The following RALGPS2 variants were observed in gnomAD, a reference collection of about 807,000 sequenced individuals.
RALGPS2 encodes the protein Ral GEF with PH domain and SH3 binding motif 2.
RALGPS2 carries 43 observed loss-of-function variants against 86.8 expected under a neutral mutation model. That is an observed-to-expected ratio of 0.50 (90% CI 0.39 to 0.64). The LOEUF (loss-of-function observed/expected upper bound fraction) is 0.64. Ranked by LOEUF, RALGPS2 falls within the 30% of genes least tolerant of loss-of-function variation. The probability of loss-of-function intolerance (pLI) is 0.00; values close to 1 mark genes in which losing one functional copy is unlikely to be tolerated. For synonymous variants in RALGPS2, 243 were observed against 231.3 expected (o/e 1.05, Z -0.46); for missense variants, 536 against 694.6 (o/e 0.77, Z 2.57).
At chr1:178,843,504 G>A (rs1656705014) in intron 8 of RALGPS2, among the ~76,000 whole-genome samples, 1 of 123,214 alleles carries the variant, frequency 8.1e-6, no homozygotes, top group Non-Finnish European at 1.7e-5. Flanking sequence ...GGACTGTGGT[G>A]GGGTGGGGGG....
At chr1:178,865,716 A>T (rs761000586) in intron 8 of RALGPS2, 2 of 1,613,644 alleles carry the variant, frequency 1.2e-6, no homozygotes, top group East Asian at 4.5e-5. Flanking sequence ...CCACCTCTGC[A>T]ATGTCCAGTG....
intron 1 of RALGPS2, among the ~76,000 whole-genome samples, chr1:178,740,271 A>G (rs1650944126): frequency 6.6e-6 from 1 of 152,224 alleles, no homozygotes; most frequent in African/African-American, 2.4e-5. Context: ...GCTTGCCCAC[A>G]GTTCCTTTGG....
At chr1:178,900,087 A>C (rs1660105158) in intron 17 of RALGPS2, among the ~76,000 whole-genome samples, 1 of 151,954 alleles carries the variant, frequency 6.6e-6, no homozygotes, top group African/African-American at 2.4e-5. Flanking sequence ...AGAAAGATCA[A>C]ACAAACACAA....
rs576839719 is a variant in RALGPS2, at chr1:178,892,165, T to C, written c.1248-65T>C. The C allele has an allele frequency of 4.2e-5, 56 of 1,342,644 alleles. No individual in the cohort carries two copies. In the Admixed American group the frequency reaches 9.3e-4, roughly 22 times the overall value. 83.2% of individuals were successfully genotyped at this position (1,342,644 alleles called of 1,614,324 possible). A position where few individuals can be genotyped will look rare whatever the true frequency, so the allele number is the denominator to read the frequency against. ...GAAGAAACTATTATACTGTTCTAGG[T>C]ATTGATAATGACTGTGTGAATAAAA... On this transcript the variant is annotated intron_variant, in intron 14 of 19. Transcript: ENST00000367635.
chr1:178,734,322 A>T (rs1352900100), intron 1 of RALGPS2, among the ~76,000 whole-genome samples: 2 of 152,234 alleles, frequency 1.3e-5, no homozygotes, highest in Non-Finnish European at 2.9e-5. Context: ...TTAACGTAGC[A>T]TTACCATACG....
At position 178,918,228 on chromosome 1, in the gene RALGPS2, TA is replaced by T. The variant is rs1283679044; in HGVS notation, c.*1871del. 6 of 152,184 alleles carry T rather than the reference TA, an allele frequency of 3.9e-5. No individual in the cohort carries two copies. Among genetic ancestry groups the T allele is most frequent in the African/African-American group, 1.4e-4 (6 of 41,454 alleles). 9.4% of individuals were successfully genotyped at this position (152,184 alleles called of 1,614,324 possible). ...TGCTCTAAGCTTAACCCATGTTGGG[TA>T]ATAGAAAGACATAGCCAGCAGTATT... On this transcript the variant is annotated 3_prime_UTR_variant, in exon 20 of 20. Coordinates refer to ENST00000367635, the MANE Select transcript of RALGPS2 (RefSeq NM_152663.5).
intron 8 of RALGPS2, among the ~76,000 whole-genome samples, chr1:178,856,580 G>A (rs1283779343): frequency 6.6e-6 from 1 of 150,936 alleles, no homozygotes; most frequent in Non-Finnish European, 1.5e-5. Flanking sequence ...TATTTTGAAT[G>A]TTAAACCAAC....
intron 1 of RALGPS2, among the ~76,000 whole-genome samples, chr1:178,762,836 G>A (rs1652320971): frequency 6.6e-6 from 1 of 152,130 alleles, no homozygotes; most frequent in Non-Finnish European, 1.5e-5. Flanking sequence ...CTGTGCAGAA[G>A]CTCCTTAGTT....
intron 1 of RALGPS2, among the ~76,000 whole-genome samples, chr1:178,745,652 C>CTTTG (rs1651274199): frequency 6.6e-6 from 1 of 152,044 alleles, no homozygotes; most frequent in Non-Finnish European, 1.5e-5. Context: ...CCTAAATGGT[C>CTTTG]AAGACTTAAA....
intron 8 of RALGPS2, chr1:178,865,095 G>A: frequency 1.3e-6 from 2 of 1,563,330 alleles, no homozygotes; most frequent in Non-Finnish European, 8.7e-7. Context: ...GGAGTATACT[G>A]TTGGCTGTTA....
intron 18 of RALGPS2, among the ~76,000 whole-genome samples, chr1:178,905,976 C>CT (rs1367848604): frequency 1.3e-5 from 2 of 152,172 alleles, no homozygotes; most frequent in African/African-American, 4.8e-5. Context: ...AAAGCATAGT[C>CT]TATCAATGTT....
chr1:178,870,933 A>G (rs1350949741), intron 8 of RALGPS2: 2 of 152,154 alleles, frequency 1.3e-5, no homozygotes, highest in Non-Finnish European at 2.9e-5. Context: ...TTGACAAGCC[A>G]CCTATGTAAT....
At position 178,804,301 on chromosome 1, in the gene RALGPS2, A is replaced by G. The variant is rs534576710; in HGVS notation, c.214-3744A>G. On this transcript the variant is annotated intron_variant, in intron 4 of 19. Coordinates refer to ENST00000367635, the MANE Select transcript of RALGPS2 (RefSeq NM_152663.5). ...TTGATTTATTTATTATTATACTTTA[A>G]GTTTTAGGGTACATGTGCACATTGT... Among the ~76,000 whole-genome samples, 478 of 135,618 alleles carry G rather than the reference A, an allele frequency of 3.5e-3. 3 individuals carry two copies. The highest frequency in any genetic ancestry group is 7.9e-3 in the Middle Eastern group (2 of 252). 89.0% of individuals were successfully genotyped at this position (135,618 alleles called of 152,430 possible). A position where few individuals can be genotyped will look rare whatever the true frequency, so the allele number is the denominator to read the frequency against.
At chr1:178,741,076 T>C (rs1215993653) in intron 1 of RALGPS2, among the ~76,000 whole-genome samples, 1 of 152,168 alleles carries the variant, frequency 6.6e-6, no homozygotes, top group East Asian at 1.9e-4. Context: ...ACTAAGAGTC[T>C]AACTATAGTT....
chr1:178,819,179 G>C (rs1220846843), intron 6 of RALGPS2, among the ~76,000 whole-genome samples: 1 of 151,764 alleles, frequency 6.6e-6, no homozygotes, highest in Non-Finnish European at 1.5e-5. Flanking sequence ...TTTTTATAGA[G>C]ACAAGGTTTT....
chr1:178,739,026 G>A (rs1232474459), intron 1 of RALGPS2, among the ~76,000 whole-genome samples: 2 of 152,154 alleles, frequency 1.3e-5, no homozygotes, highest in African/African-American at 4.8e-5. Flanking sequence ...CTACACTTTT[G>A]TGTATGTGCT....
chr1:178,825,026 G>A (rs114727682), intron 7 of RALGPS2, among the ~76,000 whole-genome samples: 186 of 152,236 alleles, frequency 1.2e-3, no homozygotes, highest in Middle Eastern at 0.01. Context: ...GGATATAAAA[G>A]TCATCTGGAG....
chr1:178,782,486 G>C (rs1653440966), intron 2 of RALGPS2, among the ~76,000 whole-genome samples: 1 of 152,020 alleles, frequency 6.6e-6, no homozygotes, highest in Non-Finnish European at 1.5e-5. Flanking sequence ...TAACCTACTT[G>C]GGAGAGGAAA....
intron 8 of RALGPS2, among the ~76,000 whole-genome samples, chr1:178,864,620 A>G (rs766080745): frequency 6.6e-6 from 1 of 152,162 alleles, no homozygotes; most frequent in Non-Finnish European, 1.5e-5. Flanking sequence ...CCTAGCTAGA[A>G]GCTGATAGGA....
Sources: gnomAD v4.1 joint callset for allele counts (sites outside exome capture counted in the v4.1 genomes callset) on GRCh38, gnomAD v4.1.1 for gene constraint, MANE v1.5 for transcripts, NCBI Gene and HGNC (gene_info 2026-07-23, HGNC 2026-07-21) for gene names.